The following GSE1 variants were observed in gnomAD, a reference collection of about 807,000 sequenced individuals.
The protein encoded by GSE1 is genetic suppressor element 1.
A neutral mutation model predicts 112.6 loss-of-function variants in GSE1; 32 were observed. The observed-to-expected ratio is 0.28, with a 90% CI of 0.21 to 0.38. GSE1 has a LOEUF of 0.38. GSE1 is among the 10% of genes least tolerant of loss of function. GSE1 has a pLI of 1.00. For synonymous variants in GSE1, 1,115 were observed against 735.6 expected, an observed-to-expected ratio of 1.52 and a Z score of -8.35; for missense variants, 2,348 against 1,699.2, an observed-to-expected ratio of 1.38 and a Z score of -6.71.
At chr16:85,362,700 T>C (rs993725601) in intron 2 of GSE1, among the ~76,000 whole-genome samples, 3 of 152,226 alleles carry the variant, frequency 2.0e-5, no homozygotes, top group African/African-American at 7.2e-5. Context: ...TTGTGGTCTC[T>C]GTGAATGTGC....
chr16:85,594,752 A>G (rs950181248), intron 1 of GSE1: 1 of 152,304 alleles, frequency 6.6e-6, no homozygotes, highest in Non-Finnish European at 1.5e-5. Context: ...GAATGTGGAT[A>G]AAGTCTGTCG....
At chr16:85,233,708 T>C (rs999624004) in intron 1 of GSE1, among the ~76,000 whole-genome samples, 2 of 152,080 alleles carry the variant, frequency 1.3e-5, no homozygotes. Flanking sequence ...ACAGGGACTT[T>C]CTTGGAATGA....
chr16:85,663,068 C>T lies in GSE1; in HGVS notation c.2348C>T (p.Pro783Leu), dbSNP rs781531866. 6.2e-7 allele frequency: 1 copy of T among 1,611,596 alleles called. No homozygotes were observed. The highest frequency in any genetic ancestry group is 1.1e-5 in the South Asian group (1 of 91,060). The change falls in exon 10 of 16, where the codon CCC becomes CTC. Residue 783 changes from proline to leucine, a missense_variant. Transcript: ENST00000253458. ...CTCCGTTGCGTGGCCGAGCAGCCGC[C>T]CCTCAAACTGGACACGTCCTCTGAG... Reference protein sequence around the residue: ...AHLRCVAEQPPLKLDTSSEKL... With the variant: ...AHLRCVAEQPLLKLDTSSEKL...
chr16:85,665,290 A>G (rs1295399542), intron 12 of GSE1, among the ~76,000 whole-genome samples, 162 bp downstream of exon 12: 2 of 152,214 alleles, frequency 1.3e-5, no homozygotes, highest in African/African-American at 4.8e-5. Context: ...CAGTTGTGAC[A>G]GTCATTGGGA....
chr16:85,241,706 C>T (rs948859604), intron 1 of GSE1, among the ~76,000 whole-genome samples: 1 of 152,098 alleles, frequency 6.6e-6, no homozygotes, highest in Non-Finnish European at 1.5e-5. Flanking sequence ...TTTATGTACT[C>T]AGCCCTCCTA....
intron 1 of GSE1, among the ~76,000 whole-genome samples, chr16:85,598,057 G>A (rs539327659): frequency 2.0e-5 from 3 of 152,098 alleles, no homozygotes; most frequent in East Asian, 1.9e-4. Flanking sequence ...GCGATTCCTC[G>A]GAACCTGACC....
chr16:85,574,072 G>A (rs973448910), intron 1 of GSE1, among the ~76,000 whole-genome samples: 10 of 152,130 alleles, frequency 6.6e-5, no homozygotes, highest in African/African-American at 9.7e-5. Context: ...GGGCGGGGGC[G>A]CCAGGCCTCC....
chr16:85,276,047 G>A (rs1211155448), intron 1 of GSE1, among the ~76,000 whole-genome samples: 2 of 152,270 alleles, frequency 1.3e-5, no homozygotes, highest in African/African-American at 4.8e-5. Flanking sequence ...TGCTAGCACA[G>A]TGCCACAGAA....
chr16:85,247,054 C>G (rs1489271072), intron 1 of GSE1, among the ~76,000 whole-genome samples: 1 of 152,160 alleles, frequency 6.6e-6, no homozygotes, highest in Admixed American at 6.5e-5. Flanking sequence ...CCTGCCCCAC[C>G]CCCCAGGGCT....
At chr16:85,559,830 G>A (rs1408315232) in intron 1 of GSE1, among the ~76,000 whole-genome samples, 3 of 152,156 alleles carry the variant, frequency 2.0e-5, no homozygotes, top group East Asian at 3.8e-4. Context: ...ACACAGCCAC[G>A]CCTGTTCCTC....
rs983452219 is a variant in GSE1 at position 85,590,138 on chromosome 16, CTG to C, written c.37+33778_37+33779del. ...CAATTGAACGTGTGTGATCATGACCCTGTGATTGTGAGCGTGTGAGTGAATGT... is the reference window on the plus strand; with the variant it reads ...CAATTGAACGTGTGTGATCATGACCCTGATTGTGAGCGTGTGAGTGAATGT... On this transcript the variant is annotated intron_variant, in intron 1 of 2. Coordinates refer to the GSE1 transcript ENST00000635906. 8.6e-5 allele frequency among the ~76,000 whole-genome samples: 13 copies of C among 151,996 alleles called. No individual in the cohort carries two copies. The East Asian group carries it at 1.4e-3, about 16-fold the overall frequency.
chr16:85,445,062 G>T (rs116552554), intron 2 of GSE1, among the ~76,000 whole-genome samples: 7,290 of 152,314 alleles, frequency 0.048, 590 homozygotes, highest in African/African-American at 0.17. Flanking sequence ...TGTCTTTTCT[G>T]CACGCCTTGC....
intron 13 of GSE1, among the ~76,000 whole-genome samples, chr16:85,667,151 G>C (rs75594168): frequency 6.6e-6 from 1 of 152,232 alleles, no homozygotes; most frequent in East Asian, 1.9e-4. Flanking sequence ...GATGCCTTTC[G>C]AAACTTCAGA....
chr16:85,362,981 G>A (rs371654136), intron 2 of GSE1, among the ~76,000 whole-genome samples: 170 of 151,952 alleles, frequency 1.1e-3, no homozygotes, highest in African/African-American at 3.8e-3. Flanking sequence ...GATTACAGGC[G>A]TACTCCACCA....
intron 1 of GSE1, among the ~76,000 whole-genome samples, chr16:85,250,490 G>T (rs1906353581): frequency 1.3e-5 from 2 of 152,152 alleles, no homozygotes; most frequent in Admixed American, 1.3e-4. Flanking sequence ...ACCCCCTACC[G>T]CTCTGTCTGC....
At chr16:85,187,460 C>T (rs1317292214) in intron 1 of GSE1, among the ~76,000 whole-genome samples, 2 of 152,256 alleles carry the variant, frequency 1.3e-5, no homozygotes, top group Non-Finnish European at 2.9e-5. Flanking sequence ...AAACTTGCTT[C>T]TCAAGTTTTT....
rs148973590 is a variant in GSE1 at position 85,640,862 on chromosome 16, C to T, written c.226+6730C>T. On this transcript the variant is annotated intron_variant, in intron 2 of 15. Transcript: ENST00000253458. The stretch of plus-strand genomic sequence containing the variant: ...CTGTCTCCCGCGCAGGTGTGAGCGC[C>T]GCGGGCGTCCTCATGGTGCCTCTCC... Among the ~76,000 whole-genome samples the T allele has an allele frequency of 1.0e-3, 157 of 152,356 alleles. 1 individual carries two copies. Among genetic ancestry groups the T allele is most frequent in the Admixed American group, 1.8e-3 (27 of 15,314 alleles).
chr16:85,666,732 C>T (rs1421925373), intron 13 of GSE1: 2 of 236,928 alleles, frequency 8.4e-6, no homozygotes, highest in East Asian at 1.3e-4. Context: ...TCATGTTTTT[C>T]AAGACAGAGA....
intron 2 of GSE1, among the ~76,000 whole-genome samples, chr16:85,403,621 C>T (rs2048171240): frequency 6.6e-6 from 1 of 151,966 alleles, no homozygotes; most frequent in Non-Finnish European, 1.5e-5. Context: ...GAAACCCTGT[C>T]TCTACAAAAA....
Sources: allele counts gnomAD v4.1 joint callset (sites outside exome capture counted in the v4.1 genomes callset), GRCh38; gene constraint gnomAD v4.1.1; transcripts MANE v1.5; gene names NCBI Gene and HGNC (gene_info 2026-07-23, HGNC 2026-07-21).